EGFLAM: variants seen among roughly 807,000 people sequenced by gnomAD.
The protein encoded by EGFLAM is EGF like, fibronectin type III and laminin G domains, also known as pikachurin.
EGFLAM carries 79 observed loss-of-function variants against 113.1 expected under a neutral mutation model. That is an observed-to-expected ratio of 0.70 (90% CI 0.58 to 0.84). The LOEUF (loss-of-function observed/expected upper bound fraction) is 0.84. Among genes scored for constraint, EGFLAM ranks in the 40% least tolerant of loss-of-function variants. EGFLAM has a pLI of 0.00. For missense variants in EGFLAM, 1,265 were observed against 1,291.6 expected (o/e 0.98, Z 0.32); for synonymous variants, 504 against 487.6 (o/e 1.03, Z -0.44).
chr5:38,371,876 T>G (rs1027954473), intron 6 of EGFLAM, among the ~76,000 whole-genome samples: 3 of 152,138 alleles, frequency 2.0e-5, no homozygotes, highest in Admixed American at 2.0e-4. Flanking sequence ...GACAGTACTT[T>G]GAAACACTGA....
At chr5:38,259,381 C>G (rs1579693435) in intron 1 of EGFLAM, among the ~76,000 whole-genome samples, 2 of 152,198 alleles carry the variant, frequency 1.3e-5, no homozygotes, top group African/African-American at 2.4e-5. Context: ...CAGAAGGAAG[C>G]ACCCAGTGGG....
At chr5:38,456,339 G>A (rs1048655261) in intron 19 of EGFLAM, among the ~76,000 whole-genome samples, 1 of 152,160 alleles carries the variant, frequency 6.6e-6, no homozygotes, top group Admixed American at 6.5e-5. Context: ...CTGAGTGTCC[G>A]TGCTCTTTCT....
chr5:38,324,158 T>C (rs1466888452), intron 1 of EGFLAM, among the ~76,000 whole-genome samples: 2 of 152,160 alleles, frequency 1.3e-5, no homozygotes, highest in Admixed American at 1.3e-4. Context: ...TGTTTCTCTC[T>C]GGTGGCTGGA....
chr5:38,293,378 G>A (rs1758378908), intron 1 of EGFLAM, among the ~76,000 whole-genome samples: 1 of 152,212 alleles, frequency 6.6e-6, no homozygotes, highest in Non-Finnish European at 1.5e-5. Flanking sequence ...CAGAATTACA[G>A]TGAGGATTAA....
intron 10 of EGFLAM, 99 bp downstream of exon 10, chr5:38,409,203 T>C: frequency 1.1e-6 from 1 of 903,740 alleles, no homozygotes; most frequent in African/African-American, 1.7e-5. Context: ...GGATAGGTTC[T>C]AGTAGATGAA....
At chr5:38,334,518 C>A (rs960146649) in intron 1 of EGFLAM, among the ~76,000 whole-genome samples, 1 of 152,136 alleles carries the variant, frequency 6.6e-6, no homozygotes, top group African/African-American at 2.4e-5. Context: ...ACTTAATCAC[C>A]TCCCAAAGGC....
chr5:38,287,297 A>G (rs1486751596), intron 1 of EGFLAM, among the ~76,000 whole-genome samples: 2 of 152,220 alleles, frequency 1.3e-5, no homozygotes, highest in Admixed American at 6.5e-5. Flanking sequence ...ATGGCATATA[A>G]TGCTACTATG....
Position 38,463,877 on chromosome 5 carries a change from G to C in EGFLAM, c.2921G>C (p.Arg974Thr), listed in dbSNP as rs1178602379. The change falls in exon 22 of 22, where the codon AGA becomes ACA. Residue 974 changes from arginine to threonine, a missense_variant. Arg to Thr is a moderately conservative substitution (Grantham distance 71). Transcript: ENST00000322350. Reference sequence around the variant, plus strand: ...CTGCACACTAACAGGCAATATATGAGAGGGCTCGTGGGCTGTATCTCTCAC... The same window carrying C: ...CTGCACACTAACAGGCAATATATGACAGGGCTCGTGGGCTGTATCTCTCAC... Reference protein sequence around the residue: ...IALHTNRQYMRGLVGCISHFT... With the variant: ...IALHTNRQYMTGLVGCISHFT... 1 of 1,614,082 alleles carries C rather than the reference G, an allele frequency of 6.2e-7. No individual in the cohort carries two copies. The highest frequency in any genetic ancestry group is 8.5e-7 in the Non-Finnish European group (1 of 1,180,054).
chr5:38,425,085 T>A lies in EGFLAM; in HGVS notation c.1803T>A (p.Cys601Ter). The change falls in exon 13 of 22, where the codon TGT becomes TGA. Residue 601 changes from cysteine (C) to a stop codon, truncating the protein, a stop_gained. Coordinates refer to ENST00000322350, the MANE Select transcript of EGFLAM (RefSeq NM_152403.4). LOFTEE classifies it high-confidence loss of function. ...CCCTTGGGTTTAAAGGTCGACACTG[T>A]GAAGATGGTGAGAAAGAAGCAAGTT... The part of the protein sequence containing the change: ...LCPLGFKGRH[C>*]EDAFTLTIPQ... 6.2e-7 allele frequency: 1 copy of A among 1,613,324 alleles called. No homozygotes were observed. Among genetic ancestry groups the A allele is most frequent in the Admixed American group, 1.7e-5 (1 of 59,896 alleles).
chr5:38,277,922 C>T (rs1050071893), intron 1 of EGFLAM, among the ~76,000 whole-genome samples: 6 of 151,930 alleles, frequency 3.9e-5, no homozygotes, highest in African/African-American at 1.5e-4. Context: ...ATCCAATATG[C>T]ACAGATTAGA....
intron 1 of EGFLAM, among the ~76,000 whole-genome samples, chr5:38,333,834 G>A (rs1739113683): frequency 1.4e-5 from 2 of 143,334 alleles, no homozygotes; most frequent in South Asian, 4.5e-4. Context: ...TTTTGCTTTT[G>A]TTGTGATTGC....
intron 1 of EGFLAM, among the ~76,000 whole-genome samples, chr5:38,291,929 C>T (rs557926713): frequency 6.6e-6 from 1 of 152,276 alleles, no homozygotes; most frequent in South Asian, 2.1e-4. Flanking sequence ...CAGAGCTCTG[C>T]GTCAAGAAGT....
intron 17 of EGFLAM, among the ~76,000 whole-genome samples, chr5:38,439,294 G>A (rs1742456888): frequency 1.3e-5 from 2 of 152,042 alleles, no homozygotes; most frequent in Non-Finnish European, 2.9e-5. Context: ...CTGAGGACAC[G>A]GCCCTGGTAT....
chr5:38,305,187 A>C (rs1381441386), intron 1 of EGFLAM, among the ~76,000 whole-genome samples: 1 of 152,216 alleles, frequency 6.6e-6, no homozygotes, highest in East Asian at 1.9e-4. Context: ...AAAATAGACC[A>C]AAGCCAGGAA....
chr5:38,457,622 C>T (rs766005810), intron 19 of EGFLAM, among the ~76,000 whole-genome samples: 36 of 152,266 alleles, frequency 2.4e-4, no homozygotes, highest in Non-Finnish European at 5.3e-4. Flanking sequence ...AATGAATCTG[C>T]AAAGACCCTA....
chr5:38,282,211 T>G (rs566608079), intron 1 of EGFLAM: 1 of 152,222 alleles, frequency 6.6e-6, no homozygotes, highest in Non-Finnish European at 1.5e-5. Flanking sequence ...ATTAATTAGG[T>G]CACCTCCATT....
intron 18 of EGFLAM, among the ~76,000 whole-genome samples, chr5:38,449,337 G>A (rs748929739): frequency 1.4e-4 from 21 of 152,260 alleles, no homozygotes; most frequent in African/African-American, 4.1e-4. Flanking sequence ...CCCTGGTAAC[G>A]CCCAACACAC....
chr5:38,318,478 G>A (rs1738658097), intron 1 of EGFLAM, among the ~76,000 whole-genome samples: 1 of 150,836 alleles, frequency 6.6e-6, no homozygotes, highest in Non-Finnish European at 1.5e-5. Context: ...TAGCTATATA[G>A]TATACTATAC....
intron 1 of EGFLAM, among the ~76,000 whole-genome samples, chr5:38,299,773 C>T (rs1472429084): frequency 1.3e-5 from 2 of 152,124 alleles, no homozygotes; most frequent in Non-Finnish European, 2.9e-5. Flanking sequence ...TATGCTGGTT[C>T]TTCATTTGCC....
Sources: allele counts gnomAD v4.1 joint callset (sites outside exome capture counted in the v4.1 genomes callset), GRCh38; gene constraint gnomAD v4.1.1; transcripts MANE v1.5; gene names NCBI Gene and HGNC (gene_info 2026-07-23, HGNC 2026-07-21).